ATRNL1: variants seen among roughly 807,000 people sequenced by gnomAD.
ATRNL1 encodes attractin-like protein 1.
A neutral mutation model predicts 182.7 loss-of-function variants in ATRNL1; 95 were observed. The observed-to-expected ratio is 0.52, with a 90% CI of 0.44 to 0.62. ATRNL1 has a LOEUF of 0.62. Among genes scored for constraint, ATRNL1 ranks in the 20% least tolerant of loss-of-function variants. ATRNL1 has a pLI of 0.00. For synonymous variants in ATRNL1, 576 were observed against 568.3 expected (o/e 1.01, Z -0.19); for missense variants, 1,471 against 1,679.5 (o/e 0.88, Z 2.17).
chr10:115,688,585 A>G (rs1555047087), intron 26 of ATRNL1, among the ~76,000 whole-genome samples: 2 of 152,072 alleles, frequency 1.3e-5, no homozygotes, highest in Non-Finnish European at 1.5e-5. Context: ...ATTTTTTTAT[A>G]TATACCCATT....
At chr10:115,732,941 G>A (rs1947843368) in intron 27 of ATRNL1, among the ~76,000 whole-genome samples, 4 of 152,134 alleles carry the variant, frequency 2.6e-5, no homozygotes, top group Admixed American at 2.6e-4. Flanking sequence ...TAGTATATCA[G>A]AGAATTCCAG....
intron 28 of ATRNL1, among the ~76,000 whole-genome samples, chr10:115,895,128 T>C (rs1286124849): frequency 6.6e-6 from 1 of 152,230 alleles, no homozygotes; most frequent in Non-Finnish European, 1.5e-5. Context: ...TAATGCTCTC[T>C]TGGTTCCTCC....
intron 27 of ATRNL1, among the ~76,000 whole-genome samples, chr10:115,805,844 A>G (rs1949909023): frequency 6.6e-6 from 1 of 152,180 alleles, no homozygotes; most frequent in Non-Finnish European, 1.5e-5. Flanking sequence ...ACAATGGAAT[A>G]GATTTTTGCA....
intron 26 of ATRNL1, among the ~76,000 whole-genome samples, chr10:115,552,189 C>G (rs2133815337): frequency 6.6e-6 from 1 of 151,342 alleles, no homozygotes; most frequent in East Asian, 1.9e-4. Flanking sequence ...AGATTTTTAA[C>G]CACACTAGTT....
At chr10:115,206,891 A>C (rs2097223391) in intron 8 of ATRNL1, among the ~76,000 whole-genome samples, 1 of 151,988 alleles carries the variant, frequency 6.6e-6, no homozygotes, top group South Asian at 2.1e-4. Flanking sequence ...CCCTGTGTCC[A>C]TGTGTTCTCA....
intron 19 of ATRNL1, among the ~76,000 whole-genome samples, chr10:115,365,162 G>C (rs1278978741): frequency 1.3e-5 from 2 of 152,086 alleles, no homozygotes; most frequent in Admixed American, 6.5e-5. Flanking sequence ...GACTCTTTTT[G>C]GTTGGTAAAC....
intron 28 of ATRNL1, among the ~76,000 whole-genome samples, chr10:115,886,778 T>G (rs1387687708): frequency 4.6e-5 from 7 of 152,202 alleles, no homozygotes; most frequent in African/African-American, 1.4e-4. Context: ...ATCCATACAT[T>G]TTCTCAATTT....
intron 28 of ATRNL1, among the ~76,000 whole-genome samples, chr10:115,879,312 A>AAAAG (rs1206701314): frequency 3.3e-5 from 5 of 150,880 alleles, no homozygotes; most frequent in Non-Finnish European, 7.4e-5. Context: ...TCTCAAAAAA[A>AAAAG]AAAGAAAGAA....
At chr10:115,735,253 C>T (rs1947914429) in intron 27 of ATRNL1, among the ~76,000 whole-genome samples, 1 of 152,066 alleles carries the variant, frequency 6.6e-6, no homozygotes, top group African/African-American at 2.4e-5. Context: ...TTTCCCTCTC[C>T]AGTTTCAGTA....
At chr10:115,905,275 C>G (rs1380523966) in intron 28 of ATRNL1, among the ~76,000 whole-genome samples, 1 of 152,094 alleles carries the variant, frequency 6.6e-6, no homozygotes, top group Non-Finnish European at 1.5e-5. Flanking sequence ...GGATAGAGTA[C>G]AGTGGTGCAA....
At chr10:115,882,144 G>A (rs1456840225) in intron 28 of ATRNL1, among the ~76,000 whole-genome samples, 2 of 152,250 alleles carry the variant, frequency 1.3e-5, no homozygotes, top group Non-Finnish European at 2.9e-5. Context: ...AAGGGAAGAT[G>A]TTGCAGGATT....
intron 28 of ATRNL1, among the ~76,000 whole-genome samples, chr10:115,926,622 C>G (rs1471518957): frequency 3.9e-5 from 6 of 152,094 alleles, no homozygotes; most frequent in Non-Finnish European, 5.9e-5. Flanking sequence ...TCAGAGAATA[C>G]TATAAACACC....
chr10:115,515,441 A>G (rs1536648), intron 24 of ATRNL1, among the ~76,000 whole-genome samples: 64,840 of 150,576 alleles, frequency 0.43, 14,567 homozygotes, highest in Middle Eastern at 0.54. Context: ...CTTGGATTGC[A>G]TTTGTTAATT....
intron 26 of ATRNL1, among the ~76,000 whole-genome samples, chr10:115,632,019 T>C (rs10510010): frequency 0.17 from 26,080 of 152,090 alleles, 2,776 homozygotes; most frequent in Non-Finnish European, 0.24. Context: ...AAAATTTAAA[T>C]GCTAGCTAAA....
intron 27 of ATRNL1, among the ~76,000 whole-genome samples, chr10:115,731,197 A>G (rs1802186522): frequency 6.6e-6 from 1 of 152,106 alleles, no homozygotes; most frequent in African/African-American, 2.4e-5. Context: ...AACCGTCACA[A>G]TCAGTCTCCA....
chr10:115,341,729 A>C (rs1444367660), intron 19 of ATRNL1, among the ~76,000 whole-genome samples: 2 of 152,094 alleles, frequency 1.3e-5, no homozygotes, highest in African/African-American at 2.4e-5. Context: ...AAACTGTTAT[A>C]TCTTCTTGCT....
chr10:115,606,971 A>G (rs889356606), intron 26 of ATRNL1, among the ~76,000 whole-genome samples: 2 of 151,984 alleles, frequency 1.3e-5, no homozygotes, highest in South Asian at 2.1e-4. Flanking sequence ...GTGATGCGTG[A>G]TAAAGTATGA....
chr10:115,879,329 A>C (rs1333378527), intron 28 of ATRNL1, among the ~76,000 whole-genome samples: 1 of 151,714 alleles, frequency 6.6e-6, no homozygotes, highest in Non-Finnish European at 1.5e-5. Flanking sequence ...AGAAAGAAAG[A>C]AATTTTATAG....
At chr10:115,583,073 T>A (rs1300300968) in intron 26 of ATRNL1, among the ~76,000 whole-genome samples, 2 of 150,490 alleles carry the variant, frequency 1.3e-5, no homozygotes, top group Non-Finnish European at 3.0e-5. Context: ...TGGCATTATT[T>A]CTGAGGGCTC....
Sources: gnomAD v4.1 joint callset for allele counts (sites outside exome capture counted in the v4.1 genomes callset) on GRCh38, gnomAD v4.1.1 for gene constraint, MANE v1.5 for transcripts, NCBI Gene and HGNC (gene_info 2026-07-23, HGNC 2026-07-21) for gene names.